Variants in NBPF15 observed in about 807,000 individuals in gnomAD.
NBPF15 encodes the protein NBPF family member NBPF15.
In NBPF15, 74 loss-of-function variants were observed where a neutral mutation model predicts 62.2. The observed-to-expected ratio is 1.19, with a 90% confidence interval of 0.99 to 1.44. NBPF15 has a LOEUF of 1.44. NBPF15 is among the 40% of genes most tolerant of loss of function. NBPF15 has a pLI of 0.00. For synonymous variants in NBPF15, 244 were observed against 209.7 expected (o/e 1.16, Z -1.41); for missense variants, 790 against 550.0 (o/e 1.44, Z -4.36).
At chr1:144,424,087 G>A (rs1430527612) in intron 20 of NBPF15, 112 bp from the exon 21 acceptor site, 20 of 754,010 alleles carry the variant, frequency 2.7e-5, no homozygotes, top group South Asian at 8.3e-5. Flanking sequence ...ATAAGAATAC[G>A]ACACCATGAG....
intron 6 of NBPF15, among the ~76,000 whole-genome samples, chr1:144,447,624 A>G (rs1479833101): frequency 2.3e-4 from 35 of 151,868 alleles, no homozygotes; most frequent in African/African-American, 4.1e-4. Flanking sequence ...AGGGGATGTT[A>G]TGGGGAAACA....
intron 20 of NBPF15, 148 bp downstream of exon 20, chr1:144,424,542 C>T: frequency 1.6e-6 from 1 of 630,224 alleles, no homozygotes; most frequent in Non-Finnish European, 2.8e-6. Context: ...CCAGGTAGAA[C>T]TAGAGTTTCA....
chr1:144,423,408 G>T (rs1212004069), intron 21 of NBPF15, 152 bp from the exon 22 acceptor site: 7 of 1,527,256 alleles, frequency 4.6e-6, no homozygotes, highest in East Asian at 2.3e-5. Flanking sequence ...TTGCCTTTAT[G>T]TTGGGATAGA....
intron 4 of NBPF15, among the ~76,000 whole-genome samples, chr1:144,451,239 C>T (rs1382191143): frequency 1.3e-5 from 2 of 151,854 alleles, no homozygotes; most frequent in East Asian, 1.9e-4. Flanking sequence ...CATCTCAATG[C>T]CTTAAAGAGC....
At chr1:144,436,323 G>C (rs1479411642) in intron 10 of NBPF15, among the ~76,000 whole-genome samples, 1 of 151,916 alleles carries the variant, frequency 6.6e-6, no homozygotes, top group Non-Finnish European at 1.5e-5. Context: ...TCTATCCATG[G>C]GGAGTGCTCC....
chr1:144,445,424 A>T (rs1686808306), intron 6 of NBPF15, among the ~76,000 whole-genome samples: 1 of 145,776 alleles, frequency 6.9e-6, no homozygotes, highest in African/African-American at 2.5e-5. Flanking sequence ...TGTCCTAAGA[A>T]TCAATTAGAC....
chr1:144,438,711 G>C (rs1192207938), intron 8 of NBPF15, among the ~76,000 whole-genome samples: 1 of 151,892 alleles, frequency 6.6e-6, no homozygotes, highest in East Asian at 1.9e-4. Flanking sequence ...ACAAGAAATA[G>C]CTCATGTAAT....
chr1:144,445,468 T>C (rs1292437933), intron 6 of NBPF15, among the ~76,000 whole-genome samples: 5 of 148,234 alleles, frequency 3.4e-5, no homozygotes, highest in African/African-American at 9.9e-5. Context: ...GATTCTCTCT[T>C]CCACTGATAT....
chr1:144,453,610 A>G (rs1310720398), intron 4 of NBPF15, among the ~76,000 whole-genome samples: 1 of 147,546 alleles, frequency 6.8e-6, no homozygotes, highest in Non-Finnish European at 1.5e-5. Context: ...AAATATATGA[A>G]GAATTCTGAG....
At chr1:144,439,568 G>A (rs1459913110) in intron 8 of NBPF15, among the ~76,000 whole-genome samples, 1 of 152,216 alleles carries the variant, frequency 6.6e-6, no homozygotes, top group Admixed American at 6.5e-5. Context: ...GAGAAAACAG[G>A]TCATTCTGTG....
At chr1:144,424,572 T>C (rs1668237318) in intron 20 of NBPF15, 118 bp downstream of exon 20, 1 of 646,166 alleles carries the variant, frequency 1.5e-6, no homozygotes, top group Non-Finnish European at 2.8e-6. Flanking sequence ...CATGTGCCTA[T>C]AGGTCCTCAC....
At chr1:144,453,279 C>G (rs1387895891) in intron 4 of NBPF15, among the ~76,000 whole-genome samples, 1 of 151,198 alleles carries the variant, frequency 6.6e-6, no homozygotes, top group Non-Finnish European at 1.5e-5. Flanking sequence ...AGCTGGACAA[C>G]CACATGCAAA....
At chr1:144,425,127 G>C (rs1248997443) in intron 19 of NBPF15, among the ~76,000 whole-genome samples, 1 of 147,000 alleles carries the variant, frequency 6.8e-6, no homozygotes, top group Non-Finnish European at 1.5e-5. Flanking sequence ...CAGAGAGAGA[G>C]AACGAGCTCA....
In NBPF15 at chr1:144,428,482, G is replaced by A. The variant is rs1426599415; in HGVS notation, c.1040+124C>T. The A allele has an allele frequency of 3.2e-5, 28 of 875,938 alleles. No individual in the cohort carries two copies. The Admixed American group carries it at 3.9e-4, about 12-fold the overall frequency. The allele number at this position is 875,938 out of a possible 1,614,324, so 54.3% of individuals were successfully genotyped here. Reference sequence around the variant, plus strand: ...CTAATGAGAACCAAAAAGCAATGTAGTAGGCATAATTCAGACTTGTCTGAC... The same window carrying A: ...CTAATGAGAACCAAAAAGCAATGTAATAGGCATAATTCAGACTTGTCTGAC... On this transcript the variant is annotated intron_variant, in intron 15 of 21. Coordinates refer to ENST00000581897, the MANE Select transcript of NBPF15 (RefSeq NM_001385408.1).
Position 144,423,754 on chromosome 1 carries a change from G to A in NBPF15, c.1769+116C>T, listed in dbSNP as rs1310562809. 3.0e-3 allele frequency: 2,141 copies of A among 702,528 alleles called. 23 individuals carry two copies. Among genetic ancestry groups the A allele is most frequent in the Non-Finnish European group, 4.3e-3 (1,672 of 392,916 alleles). 43.5% of individuals were successfully genotyped at this position (702,528 alleles called of 1,614,324 possible). ...GCAATGAAAACCAACAGCAATGACA[G>A]TAGGAGTAATTCAGCCTTCGTTGAA... On this transcript the variant is annotated intron_variant, in intron 21 of 21. Transcript: ENST00000581897.
At chr1:144,461,267 G>A (rs1440300943) in intron 1 of NBPF15, 114 bp downstream of exon 1, 1 of 152,008 alleles carries the variant, frequency 6.6e-6, no homozygotes, top group African/African-American at 2.4e-5. Context: ...CCCCGGCGGG[G>A]CCGGAACACA....
intron 6 of NBPF15, among the ~76,000 whole-genome samples, chr1:144,446,122 A>G (rs1415536880): frequency 6.6e-5 from 10 of 151,548 alleles, no homozygotes; most frequent in Non-Finnish European, 1.2e-4. Flanking sequence ...CAAAGTGCTG[A>G]GATTACAGGT....
intron 13 of NBPF15, among the ~76,000 whole-genome samples, chr1:144,432,309 C>G (rs1553540333): frequency 6.6e-6 from 1 of 151,536 alleles, no homozygotes; most frequent in African/African-American, 2.4e-5. Flanking sequence ...CTAAAGTAAG[C>G]ACTAAACATG....
intron 8 of NBPF15, 88 bp downstream of exon 8, chr1:144,439,741 T>C (rs1446619863): frequency 3.1e-6 from 3 of 965,266 alleles, no homozygotes. Context: ...AGGATGAAAT[T>C]ATTTTTGATG....
Sources: gnomAD v4.1 joint callset for allele counts (sites outside exome capture counted in the v4.1 genomes callset) on GRCh38, gnomAD v4.1.1 for gene constraint, MANE v1.5 for transcripts, NCBI Gene and HGNC (gene_info 2026-07-23, HGNC 2026-07-21) for gene names.